RPL3: variants seen among roughly 807,000 people sequenced by gnomAD.
The protein encoded by RPL3 is ribosomal protein L3, also known as large ribosomal subunit protein uL3.
RPL3 carries 3 observed loss-of-function variants against 46.0 expected under a neutral mutation model. The ratio of observed to expected loss-of-function variants is 0.07; its 90% CI spans 0.03 to 0.17. The LOEUF is 0.17. RPL3 is among the 10% of genes least tolerant of loss of function. The pLI is 1.00. For missense variants in RPL3, 387 were observed against 532.7 expected (o/e 0.73, Z 2.69); for synonymous variants, 224 against 190.8 (o/e 1.17, Z -1.43).
At chr22:39,318,926 C>A in intron 1 of RPL3, 1 of 489,086 alleles carries the variant, frequency 2.0e-6, no homozygotes. Flanking sequence ...AGGTTTTGAC[C>A]GCTAAAGAAA....
intron 7 of RPL3, 104 bp downstream of exon 7, chr22:39,314,003 G>T: frequency 2.1e-6 from 2 of 965,102 alleles, no homozygotes; most frequent in Non-Finnish European, 1.7e-6. Flanking sequence ...TAGGTGTTGT[G>T]TTGGCTTCAG....
intron 1 of RPL3, 147 bp downstream of exon 1, chr22:39,319,448 A>T: frequency 8.8e-7 from 1 of 1,136,178 alleles, no homozygotes; most frequent in Non-Finnish European, 1.3e-6. Context: ...CTTTCCAGAA[A>T]ATAGGCCAGA....
chr22:39,318,171 AAATC>A (rs1261630295), intron 2 of RPL3: 1 of 523,050 alleles, frequency 1.9e-6, no homozygotes, highest in African/African-American at 2.0e-5. Context: ...CTATGCTCTG[AAATC>A]AATACCCCAC....
intron 2 of RPL3, 43 bp downstream of exon 2, chr22:39,318,357 C>A (rs763943985): frequency 1.3e-6 from 2 of 1,593,068 alleles, no homozygotes; most frequent in Non-Finnish European, 1.7e-6. Flanking sequence ...TTTCCCTCCC[C>A]CTCCACTCCT....
At chr22:39,319,171 G>A (rs887874881) in intron 1 of RPL3, 12 of 545,330 alleles carry the variant, frequency 2.2e-5, no homozygotes, top group African/African-American at 7.6e-5. Flanking sequence ...TATTCAGGAG[G>A]ACTCCACAAC....
Position 39,314,692 on chromosome 22 carries a change from G to A in RPL3, c.843C>T (p.Asn281=). The A allele has an allele frequency of 6.2e-6, 10 of 1,612,420 alleles. No individual in the cohort carries two copies. Among genetic ancestry groups the A allele is most frequent in the Admixed American group, 1.7e-5 (1 of 59,868 alleles). Residue 281 remains asparagine (N), a synonymous_variant, in exon 6 of 10, where the codon AAC becomes AAT. Coordinates refer to ENST00000216146, the MANE Select transcript of RPL3 (RefSeq NM_000967.4). ...GCCACTCTCAGAACCTCACCTTCTT[G>A]TTGATCTCAGTGCGGTGATGGTAGC... ...QKGYHHRTEI[N]KKIYKIGQGY...
At chr22:39,314,947 A>G in intron 5 of RPL3, 101 bp from the exon 6 acceptor site, 1 of 1,492,340 alleles carries the variant, frequency 6.7e-7, no homozygotes, top group Non-Finnish European at 9.1e-7. Flanking sequence ...CATCTGAGGG[A>G]GTGATAAGAT....
At chr22:39,315,103 C>T in intron 5 of RPL3, 1 of 736,698 alleles carries the variant, frequency 1.4e-6, no homozygotes, top group Admixed American at 2.1e-5. Flanking sequence ...TAACATAATT[C>T]CAAGCTCCCC....
Position 39,313,348 on chromosome 22 carries a change from G to C in RPL3, c.1048-38C>G, listed in dbSNP as rs768704164. The C allele has an allele frequency of 1.2e-5, 20 of 1,612,864 alleles. No individual in the cohort carries two copies. In the African/African-American group the frequency reaches 2.1e-4, roughly 17 times the overall value. ...AGGGGAAGGGATTTAGGATTACGAG[G>C]AGCCAGGCTTTCCTCAGCACTGTTC... On this transcript the variant is annotated intron_variant, in intron 8 of 9. Transcript: ENST00000216146.
In RPL3 at chr22:39,312,957, T is replaced by C; in HGVS notation, c.1195A>G (p.Lys399Glu). The change falls in exon 10 of 10, where the codon AAG (lysine) becomes GAG (glutamate). Residue 399 changes from lysine to glutamate, a missense_variant. Lys to Glu is a moderately conservative substitution (Grantham distance 56). Transcript: ENST00000216146. ...MGPLKKDRIA[K>E]EEGA ...TCCTGGCATTAAGCTCCTTCTTCCT[T>C]TGCAATTCGGTCTTTCTTCAGTGGT... The C allele has an allele frequency of 6.2e-7, 1 of 1,614,158 alleles. No individual in the cohort carries two copies. Among genetic ancestry groups the C allele is most frequent in the Non-Finnish European group, 8.5e-7 (1 of 1,179,978 alleles).
chr22:39,315,202 C>G, intron 5 of RPL3, 167 bp downstream of exon 5: 1 of 1,056,918 alleles, frequency 9.5e-7, no homozygotes, highest in Non-Finnish European at 1.5e-6. Context: ...CCAGCCACTT[C>G]TGACCACAAG....
intron 6 of RPL3, 68 bp downstream of exon 6, chr22:39,314,618 C>G: frequency 6.6e-7 from 1 of 1,522,232 alleles, no homozygotes; most frequent in Non-Finnish European, 8.9e-7. Flanking sequence ...CACTGACAGG[C>G]ACAGAAACCC....
intron 1 of RPL3, chr22:39,319,324 C>T (rs1415660757): frequency 1.7e-6 from 1 of 589,992 alleles, no homozygotes; most frequent in African/African-American, 1.9e-5. Context: ...TTAGAAATGA[C>T]TCATGGCTTT....
chr22:39,313,207 T>C lies in RPL3; in HGVS notation c.1151A>G (p.Glu384Gly). ...FGHGRFQTME[E>G]KKAFMGPLKK... is the part of the protein sequence containing the mutation. ...GGTGCTCACCATGAATGCTTTCTTC[T>C]CCTCCATGGTCTGGAAGCGGCCATG... The change falls in exon 9 of 10, where the codon GAG (glutamate) becomes GGG (glycine). Residue 384 changes from glutamate to glycine, a missense_variant. Physicochemically the swap from Glu to Gly is moderately conservative, Grantham distance 98 (BLOSUM62 -2). Coordinates refer to ENST00000216146, the MANE Select transcript of RPL3 (RefSeq NM_000967.4). 6.2e-7 allele frequency: 1 copy of C among 1,608,524 alleles called. No homozygotes were observed. Among genetic ancestry groups the C allele is most frequent in the Non-Finnish European group, 8.5e-7 (1 of 1,177,536 alleles).
chr22:39,317,029 G>C (rs1225254800), intron 3 of RPL3, 188 bp from the exon 4 acceptor site: 2 of 813,524 alleles, frequency 2.5e-6, no homozygotes, highest in South Asian at 1.6e-5. Flanking sequence ...GAGCTGAGCA[G>C]AGGTCCACAA....
intron 9 of RPL3, 51 bp from the exon 10 acceptor site, chr22:39,313,035 G>T (rs1189797179): frequency 6.2e-7 from 1 of 1,613,042 alleles, no homozygotes; most frequent in Admixed American, 1.7e-5. Context: ...GGTGACAGCA[G>T]ATGCCCACTC....
chr22:39,315,399 T>C lies in RPL3; in HGVS notation c.658A>G (p.Ile220Val), dbSNP rs763893113. 1.9e-6 allele frequency: 3 copies of C among 1,613,892 alleles called. No individual in the cohort carries two copies. The highest frequency in any genetic ancestry group is 2.2e-5 in the East Asian group (1 of 44,900). Reference sequence around the variant, plus strand: ...TAGCCTTTGCCCTTGGTCACCCCGATGACGTCGATCATCTCATCCTGCCCA... The same window carrying C: ...TAGCCTTTGCCCTTGGTCACCCCGACGACGTCGATCATCTCATCCTGCCCA... The part of the protein sequence containing the change: ...VFGQDEMIDV[I>V]GVTKGKGYKG... Residue 220 changes from isoleucine (I) to valine (V), a missense_variant, in exon 5 of 10, where the codon ATC (isoleucine) becomes GTC (valine). Ile to Val is a conservative substitution (Grantham distance 29). Around this residue, in one of 5 missense-constraint regions of RPL3, gnomAD observed 48 missense variants for 80.7 expected, o/e 0.60. Transcript: ENST00000216146.
chr22:39,316,644 A>T (rs1249510507), intron 4 of RPL3, 62 bp downstream of exon 4: 11 of 1,607,170 alleles, frequency 6.8e-6, no homozygotes, highest in Non-Finnish European at 9.4e-6. Context: ...CGGGACCCCC[A>T]TGATCACATA....
In RPL3 at chr22:39,315,559, G is replaced by A; in HGVS notation, c.502-4C>T. The A allele has an allele frequency of 2.5e-6, 4 of 1,613,820 alleles. No individual in the cohort carries two copies. Among genetic ancestry groups the A allele is most frequent in the Non-Finnish European group, 3.4e-6 (4 of 1,179,950 alleles). On this transcript the variant is annotated splice_polypyrimidine_tract_variant and splice_region_variant and intron_variant, in intron 4 of 9. Coordinates refer to ENST00000216146, the MANE Select transcript of RPL3 (RefSeq NM_000967.4). ...GGCGCAGAGGAAGCAGGCGCATCTAGGAGAAGGTAGACACAGCTCAGCTCC... is the reference window on the plus strand; with the variant it reads ...GGCGCAGAGGAAGCAGGCGCATCTAAGAGAAGGTAGACACAGCTCAGCTCC...
Sources: allele counts gnomAD v4.1 joint callset, GRCh38; gene constraint gnomAD v4.1.1; regional missense constraint gnomAD v4.1.1; transcripts MANE v1.5; gene names NCBI Gene and HGNC (gene_info 2026-07-23, HGNC 2026-07-21).